Variants in IMPG1 observed in about 807,000 individuals in gnomAD.
IMPG1 encodes the protein interphotoreceptor matrix proteoglycan 1.
A neutral mutation model predicts 92.0 loss-of-function variants in IMPG1; 85 were observed. That is an observed-to-expected ratio of 0.92 (90% confidence interval 0.78 to 1.11). The LOEUF (loss-of-function observed/expected upper bound fraction) is 1.11, where lower values mean the gene tolerates loss of function less well. Among genes scored for constraint, IMPG1 ranks in the 50% least tolerant of loss-of-function variants. IMPG1 has a pLI of 0.00. For missense variants in IMPG1, 1,022 were observed against 956.0 expected (o/e 1.07, Z -0.91); for synonymous variants, 367 against 334.1 (o/e 1.10, Z -1.08).
intron 12 of IMPG1, among the ~76,000 whole-genome samples, chr6:75,973,687 C>T (rs1161507966): frequency 6.6e-6 from 1 of 152,198 alleles, no homozygotes; most frequent in Non-Finnish European, 1.5e-5. Context: ...AATCAGACTC[C>T]AGAATTTACT....
intron 13 of IMPG1, among the ~76,000 whole-genome samples, 154 bp downstream of exon 13, chr6:75,950,408 C>T (rs1184412156): frequency 6.6e-6 from 1 of 152,192 alleles, no homozygotes; most frequent in Admixed American, 6.5e-5. Flanking sequence ...CTGAATTCAT[C>T]TCAAAATTCT....
chr6:76,006,573 G>T (rs1783104043), intron 9 of IMPG1, among the ~76,000 whole-genome samples: 1 of 149,912 alleles, frequency 6.7e-6, no homozygotes, highest in Admixed American at 6.7e-5. Flanking sequence ...CATATGTGTT[G>T]TAACCAAGTC....
chr6:76,043,189 T>C (rs1311493891), intron 1 of IMPG1, among the ~76,000 whole-genome samples: 1 of 152,048 alleles, frequency 6.6e-6, no homozygotes, highest in East Asian at 1.9e-4. Context: ...TCTTTCCTTT[T>C]ATCCATTCTA....
At chr6:76,066,954 G>A (rs1784319765) in intron 1 of IMPG1, among the ~76,000 whole-genome samples, 1 of 151,930 alleles carries the variant, frequency 6.6e-6, no homozygotes, top group Non-Finnish European at 1.5e-5. Flanking sequence ...TGATCTGTGG[G>A]TCAATGACAA....
At position 75,974,408 on chromosome 6, in the gene IMPG1, C is replaced by CCTTCCTTCCTTCCTTG. The variant is rs1554230339; in HGVS notation, c.1292-23315_1292-23314insCAAGGAAGGAAGGAAG. Among the ~76,000 whole-genome samples, 795 of 122,714 alleles carry CCTTCCTTCCTTCCTTG rather than the reference C, an allele frequency of 6.5e-3. 7 individuals are homozygous for CCTTCCTTCCTTCCTTG. Among genetic ancestry groups the CCTTCCTTCCTTCCTTG allele is most frequent in the East Asian group, 0.015 (58 of 3,778 alleles). The allele number at this position is 122,714 out of a possible 152,430, so 80.5% of individuals were successfully genotyped here. A position where few individuals can be genotyped will look rare whatever the true frequency, so the allele number is the denominator to read the frequency against. On this transcript the variant is annotated intron_variant, in intron 12 of 16. Coordinates refer to ENST00000369950, the MANE Select transcript of IMPG1 (RefSeq NM_001563.4). The stretch of plus-strand genomic sequence containing the variant: ...CTTTCTTTCTTTTCTTTCTTTCCTT[C>CCTTCCTTCCTTCCTTG]CTTCCTTCCTTCCTTCCTTGCTTCC...
chr6:75,965,942 G>C (rs1249831798), intron 12 of IMPG1, among the ~76,000 whole-genome samples: 23 of 152,084 alleles, frequency 1.5e-4, no homozygotes, highest in Non-Finnish European at 1.5e-5. Context: ...TGTTTGCAAA[G>C]ATTTTCGCCA....
At chr6:75,934,358 A>G (rs533118963) in intron 14 of IMPG1, among the ~76,000 whole-genome samples, 30 of 152,350 alleles carry the variant, frequency 2.0e-4, no homozygotes, top group Admixed American at 1.6e-3. Flanking sequence ...AAATATTTGT[A>G]TCATTCTGAG....
intron 12 of IMPG1, among the ~76,000 whole-genome samples, chr6:75,955,025 A>G (rs548774675): frequency 1.3e-5 from 2 of 152,252 alleles, no homozygotes; most frequent in East Asian, 3.9e-4. Flanking sequence ...GGCTTGTAGT[A>G]TAGTTTGAAG....
In IMPG1 at chr6:75,976,431, G is replaced by A. The variant is rs376052148; in HGVS notation, c.1292-25337C>T. Among the ~76,000 whole-genome samples, 152 of 152,220 alleles carry A rather than the reference G, an allele frequency of 1.0e-3. 2 individuals are homozygous for A. In the South Asian group the frequency reaches 0.022, roughly 22 times the overall value. On this transcript the variant is annotated intron_variant, in intron 12 of 16. Transcript: ENST00000369950. ...ACAACAATTAGCCAGATGTGGTGGC[G>A]CATGCCTGTAATCCCAGCTACTTGG...
At chr6:75,965,141 A>T (rs181286658) in intron 12 of IMPG1, among the ~76,000 whole-genome samples, 4 of 152,340 alleles carry the variant, frequency 2.6e-5, no homozygotes, top group Middle Eastern at 3.4e-3. Flanking sequence ...GGGTTATTTA[A>T]CATAAAGCTG....
intron 1 of IMPG1, among the ~76,000 whole-genome samples, chr6:76,070,546 C>T (rs1166028607): frequency 6.6e-6 from 1 of 151,992 alleles, no homozygotes; most frequent in African/African-American, 2.4e-5. Context: ...TTACCAATAG[C>T]AAAGATAGGG....
chr6:75,997,620 C>T (rs117937023), intron 12 of IMPG1, among the ~76,000 whole-genome samples: 5 of 152,286 alleles, frequency 3.3e-5, no homozygotes, highest in East Asian at 3.9e-4. Context: ...TGAGGAGCTG[C>T]GTGGGTACCA....
At chr6:75,979,654 C>T (rs954105848) in intron 12 of IMPG1, among the ~76,000 whole-genome samples, 2 of 152,160 alleles carry the variant, frequency 1.3e-5, no homozygotes, top group Non-Finnish European at 2.9e-5. Flanking sequence ...TTTTAGTAAA[C>T]GCCAAGCAAG....
intron 14 of IMPG1, chr6:75,934,904 G>T (rs140137620): frequency 4.3e-6 from 2 of 467,700 alleles, no homozygotes; most frequent in South Asian, 3.1e-5. Flanking sequence ...CTGCTTTTGC[G>T]CTGTCCCATT....
chr6:75,993,811 A>G (rs536273120), intron 12 of IMPG1, among the ~76,000 whole-genome samples: 134 of 152,344 alleles, frequency 8.8e-4, no homozygotes, highest in Non-Finnish European at 1.6e-3. Flanking sequence ...AGTTTATTCA[A>G]GCAGGGCTGT....
At chr6:76,018,375 A>G (rs186675737) in intron 7 of IMPG1, among the ~76,000 whole-genome samples, 1 of 152,332 alleles carries the variant, frequency 6.6e-6, no homozygotes, top group East Asian at 1.9e-4. Context: ...AAGTTGTGAC[A>G]TATGTTAGGC....
Position 75,924,713 on chromosome 6 carries a change from A to AATT in IMPG1, c.2244-1008_2244-1007insAAT, listed in dbSNP as rs1409806786. Among the ~76,000 whole-genome samples the AATT allele has an allele frequency of 2.1e-4, 2 of 9,448 alleles. 1 individual carries two copies. The highest frequency in any genetic ancestry group is 3.8e-4 in the Non-Finnish European group (2 of 5,256). 6.2% of individuals were successfully genotyped at this position (9,448 alleles called of 152,430 possible). A position where few individuals can be genotyped will look rare whatever the true frequency, so the allele number is the denominator to read the frequency against. On this transcript the variant is annotated intron_variant, in intron 15 of 16. Transcript: ENST00000369950. ...ATATAAATAATTATATATAATATATAATATATAATATAATTATATATAATA... is the reference window on the plus strand; with the variant it reads ...ATATAAATAATTATATATAATATATAATTATATATAATATAATTATATATAATA...
chr6:76,018,646 G>T, intron 7 of IMPG1, 72 bp downstream of exon 7: 1 of 1,416,412 alleles, frequency 7.1e-7, no homozygotes, highest in Non-Finnish European at 9.7e-7. Flanking sequence ...TCGCCGTAAG[G>T]GTTTATGTCC....
intron 1 of IMPG1, among the ~76,000 whole-genome samples, chr6:76,065,015 A>C (rs1293987138): frequency 1.3e-5 from 2 of 152,060 alleles, no homozygotes; most frequent in Non-Finnish European, 2.9e-5. Context: ...AAGCCAAAAG[A>C]CTATTTTTCT....
Sources: gnomAD v4.1 joint callset for allele counts (sites outside exome capture counted in the v4.1 genomes callset) on GRCh38, gnomAD v4.1.1 for gene constraint, MANE v1.5 for transcripts, NCBI Gene and HGNC (gene_info 2026-07-23, HGNC 2026-07-21) for gene names.